The following HCRTR2 variants were observed in gnomAD, a reference collection of about 807,000 sequenced individuals.
HCRTR2 encodes hypocretin receptor 2.
In HCRTR2, 22 loss-of-function variants were observed where a neutral mutation model predicts 49.0. The ratio of observed to expected loss-of-function variants is 0.45; its 90% CI spans 0.32 to 0.64. The LOEUF (loss-of-function observed/expected upper bound fraction) is 0.64, where lower values mean the gene tolerates loss of function less well. Among genes scored for constraint, HCRTR2 ranks in the 30% least tolerant of loss-of-function variants. The pLI is 0.04. For synonymous variants in HCRTR2, 236 were observed against 205.3 expected (o/e 1.15, Z -1.28); for missense variants, 491 against 559.4 (o/e 0.88, Z 1.23).
chr6:55,209,526 G>A (rs1048493499), intron 1 of HCRTR2, among the ~76,000 whole-genome samples: 1 of 152,140 alleles, frequency 6.6e-6, no homozygotes, highest in African/African-American at 2.4e-5. Flanking sequence ...ATGCCACACA[G>A]ACAATCAATT....
At chr6:55,272,335 C>A (rs1360673087) in intron 4 of HCRTR2, among the ~76,000 whole-genome samples, 2 of 151,940 alleles carry the variant, frequency 1.3e-5, no homozygotes, top group African/African-American at 4.8e-5. Flanking sequence ...AATAATTTGT[C>A]CTTGGCACGG....
intron 1 of HCRTR2, among the ~76,000 whole-genome samples, chr6:55,162,138 C>A (rs1170061598): frequency 1.3e-5 from 2 of 152,150 alleles, no homozygotes; most frequent in Non-Finnish European, 2.9e-5. Context: ...GCTTATCCAC[C>A]ACGATCAAGT....
chr6:55,236,006 A>G (rs1048355199), intron 1 of HCRTR2, among the ~76,000 whole-genome samples: 2 of 152,026 alleles, frequency 1.3e-5, no homozygotes, highest in African/African-American at 2.4e-5. Flanking sequence ...ATTTTTATAT[A>G]AATTTTGAAA....
chr6:55,131,008 A>T (rs1764348465), intron 1 of HCRTR2, among the ~76,000 whole-genome samples: 1 of 151,846 alleles, frequency 6.6e-6, no homozygotes, highest in Non-Finnish European at 1.5e-5. Context: ...GAAAAACAAG[A>T]TTCCAAGTGG....
Position 55,277,453 on chromosome 6 carries a change from G to A in HCRTR2, c.836G>A (p.Gly279Glu). The change falls in exon 5 of 7, where the codon GGA becomes GAA. Residue 279 changes from glycine to glutamate, a missense_variant. Physicochemically the swap from Gly to Glu is moderately conservative, Grantham distance 98. Transcript: ENST00000370862. ...CCTGTTTCACAGCCTCGAGGGCCAG[G>A]ACAGCCAACGAAGTCCCGGATGAGC... ...LQPVSQPRGP[G>E]QPTKSRMSAV... 6.2e-7 allele frequency: 1 copy of A among 1,614,100 alleles called. No homozygotes were observed. Among genetic ancestry groups the A allele is most frequent in the Non-Finnish European group, 8.5e-7 (1 of 1,179,992 alleles).
intron 1 of HCRTR2, among the ~76,000 whole-genome samples, chr6:55,233,566 G>T (rs1255879168): frequency 6.6e-6 from 1 of 152,150 alleles, no homozygotes; most frequent in Non-Finnish European, 1.5e-5. Context: ...GCATGGTGGT[G>T]CACACCTATA....
chr6:55,270,862 C>A (rs1406326849), intron 4 of HCRTR2, among the ~76,000 whole-genome samples: 1 of 151,966 alleles, frequency 6.6e-6, no homozygotes, highest in African/African-American at 2.4e-5. Flanking sequence ...AACATATACA[C>A]CTACAATTAC....
chr6:55,112,429 C>G (rs190102939), intron 1 of HCRTR2, among the ~76,000 whole-genome samples: 1 of 150,826 alleles, frequency 6.6e-6, no homozygotes, highest in Non-Finnish European at 1.5e-5. Context: ...TAGAGCTGAT[C>G]AATGAATTCA....
intron 1 of HCRTR2, among the ~76,000 whole-genome samples, chr6:55,189,579 A>G (rs946695019): frequency 5.3e-5 from 8 of 152,176 alleles, no homozygotes; most frequent in Non-Finnish European, 1.2e-4. Context: ...TTATAAGCAG[A>G]GCTGAACAAT....
chr6:55,213,363 G>A (rs1258208949), intron 1 of HCRTR2, among the ~76,000 whole-genome samples: 3 of 152,102 alleles, frequency 2.0e-5, no homozygotes, highest in Admixed American at 6.6e-5. Context: ...CCTGTCATAT[G>A]GGTCTTGTCA....
intron 3 of HCRTR2, among the ~76,000 whole-genome samples, chr6:55,259,750 TTTAAA>T (rs1034320692): frequency 1.3e-5 from 2 of 152,132 alleles, no homozygotes; most frequent in African/African-American, 4.8e-5. Context: ...TTAAAACTTT[TTTAAA>T]TTAAAGTAAT....
At chr6:55,233,444 C>A (rs1396395274) in intron 1 of HCRTR2, among the ~76,000 whole-genome samples, 1 of 152,036 alleles carries the variant, frequency 6.6e-6, no homozygotes, top group Non-Finnish European at 1.5e-5. Context: ...TTCATTTGAA[C>A]GTCAAAAATT....
At chr6:55,224,626 T>TTA (rs571430419) in intron 1 of HCRTR2, among the ~76,000 whole-genome samples, 1 of 142,394 alleles carries the variant, frequency 7.0e-6, no homozygotes, top group Non-Finnish European at 1.5e-5. Flanking sequence ...CCGTCTCAGT[T>TTA]AAAAAAAAAA....
chr6:55,222,783 G>A (rs1765923532), intron 1 of HCRTR2, among the ~76,000 whole-genome samples: 1 of 152,160 alleles, frequency 6.6e-6, no homozygotes, highest in Non-Finnish European at 1.5e-5. Context: ...CTGGGAGTAA[G>A]AGTAAGAGGA....
chr6:55,235,777 G>A (rs1766203002), intron 1 of HCRTR2, among the ~76,000 whole-genome samples: 1 of 151,962 alleles, frequency 6.6e-6, no homozygotes, highest in Admixed American at 6.6e-5. Context: ...TATGTCAAGA[G>A]TCCTTATATA....
rs575550323 is a variant in HCRTR2, at chr6:55,200,365, C to T, written c.223+25555C>T. 1.5e-4 allele frequency among the ~76,000 whole-genome samples: 23 copies of T among 151,454 alleles called. No individual in the cohort carries two copies. In the East Asian group the frequency reaches 2.7e-3, roughly 18 times the overall value. ...CTGCAACTCCCGCCTCCTGGGTTCA[C>T]GTGATTCTCCTGCCTCAGCCTCCTG... On this transcript the variant is annotated intron_variant, in intron 1 of 6. Coordinates refer to ENST00000370862, the MANE Select transcript of HCRTR2 (RefSeq NM_001384272.1).
intron 1 of HCRTR2, among the ~76,000 whole-genome samples, chr6:55,202,518 C>T (rs951363427): frequency 6.6e-6 from 1 of 152,104 alleles, no homozygotes; most frequent in Middle Eastern, 3.2e-3. Flanking sequence ...AAATTTGTTT[C>T]CAACTGTTTT....
chr6:55,190,761 C>G (rs1765302001), intron 1 of HCRTR2, among the ~76,000 whole-genome samples: 1 of 152,138 alleles, frequency 6.6e-6, no homozygotes, highest in South Asian at 2.1e-4. Context: ...TGCATTTAAA[C>G]ATCCAGAAAA....
chr6:55,155,863 A>T (rs755379368), intron 1 of HCRTR2, among the ~76,000 whole-genome samples: 8 of 152,014 alleles, frequency 5.3e-5, no homozygotes, highest in Non-Finnish European at 4.4e-5. Flanking sequence ...CTATATAAGC[A>T]TGAGAGAAAT....
Sources: allele counts gnomAD v4.1 joint callset (sites outside exome capture counted in the v4.1 genomes callset), GRCh38; gene constraint gnomAD v4.1.1; transcripts MANE v1.5; gene names NCBI Gene and HGNC (gene_info 2026-07-23, HGNC 2026-07-21).